The following BCHE variants were observed in gnomAD, a reference collection of about 807,000 sequenced individuals.
BCHE encodes the protein butyrylcholinesterase.
In BCHE, 48 loss-of-function variants were observed where a neutral mutation model predicts 51.3. That is an observed-to-expected ratio of 0.94 (90% CI 0.74 to 1.19). BCHE has a LOEUF of 1.19. BCHE is among the 50% of genes most tolerant of loss of function. The pLI, the probability that BCHE is intolerant of heterozygous loss-of-function variation, is 0.00. For missense variants in BCHE, 847 were observed against 708.2 expected (o/e 1.20, Z -2.23); for synonymous variants, 251 against 238.0 (o/e 1.05, Z -0.50).
At chr3:165,821,829 G>C (rs1196529020) in intron 2 of BCHE, among the ~76,000 whole-genome samples, 1 of 151,684 alleles carries the variant, frequency 6.6e-6, no homozygotes, top group Non-Finnish European at 1.5e-5. Context: ...ACAGCATTTG[G>C]CTTAGCATGT....
chr3:165,826,104 AT>A (rs1714711514), intron 2 of BCHE, among the ~76,000 whole-genome samples: 1 of 152,140 alleles, frequency 6.6e-6, no homozygotes. Context: ...TTTAAAAAAA[AT>A]AAGCATGTGC....
chr3:165,834,689 A>T (rs572396173), intron 1 of BCHE, among the ~76,000 whole-genome samples: 2 of 151,986 alleles, frequency 1.3e-5, no homozygotes, highest in Non-Finnish European at 2.9e-5. Context: ...CAATCGAAAG[A>T]GAAATAAATG....
At chr3:165,775,576 G>C (rs555628531) in intron 3 of BCHE, among the ~76,000 whole-genome samples, 3 of 151,206 alleles carry the variant, frequency 2.0e-5, no homozygotes, top group African/African-American at 7.3e-5. Flanking sequence ...TTAAAATTTA[G>C]ACCATGAATT....
At position 165,802,342 on chromosome 3, in the gene BCHE, G is replaced by T. The variant is rs937301928; in HGVS notation, c.1518-16031C>A. Among the ~76,000 whole-genome samples, 7 of 152,112 alleles carry T rather than the reference G, an allele frequency of 4.6e-5. 1 individual carries two copies. The highest frequency in any genetic ancestry group is 1.7e-4 in the African/African-American group (7 of 41,422). On this transcript the variant is annotated intron_variant, in intron 2 of 3. Coordinates refer to ENST00000264381, the MANE Select transcript of BCHE (RefSeq NM_000055.4). ...GATAAGAAATTTAGATTTTATTCAA[G>T]ATAAAATTAAAAAATCACTGAAGAG...
At chr3:165,834,196 G>A (rs1265973866) in intron 1 of BCHE, among the ~76,000 whole-genome samples, 1 of 120,138 alleles carries the variant, frequency 8.3e-6, no homozygotes, top group Non-Finnish European at 1.8e-5. Context: ...CTAAATGGTT[G>A]TAATATCTTC....
chr3:165,781,643 G>A lies in BCHE; in HGVS notation c.1684+4502C>T, dbSNP rs1225793996. On this transcript the variant is annotated intron_variant, in intron 3 of 3. Transcript: ENST00000264381. Reference sequence around the variant, plus strand: ...ATTAGGACATATAGCTAGTGCATGCGGGGCTTAAAACCTAGATGACGTGTT... The same window carrying A: ...ATTAGGACATATAGCTAGTGCATGCAGGGCTTAAAACCTAGATGACGTGTT... 3.9e-5 allele frequency among the ~76,000 whole-genome samples: 6 copies of A among 152,162 alleles called. No homozygotes were observed. The South Asian group carries it at 8.3e-4, about 21-fold the overall frequency.
intron 3 of BCHE, among the ~76,000 whole-genome samples, chr3:165,780,267 G>T (rs1712642564): frequency 6.6e-6 from 1 of 152,108 alleles, no homozygotes; most frequent in Non-Finnish European, 1.5e-5. Context: ...ACTCAAGATG[G>T]ATTAAAGACT....
chr3:165,813,882 G>A (rs567963325), intron 2 of BCHE, among the ~76,000 whole-genome samples: 1 of 151,970 alleles, frequency 6.6e-6, no homozygotes, highest in South Asian at 2.1e-4. Context: ...TTAAGGTAGA[G>A]ATTTAAAAAA....
At chr3:165,804,654 G>T (rs2108216778) in intron 2 of BCHE, among the ~76,000 whole-genome samples, 1 of 152,262 alleles carries the variant, frequency 6.6e-6, no homozygotes, top group African/African-American at 2.4e-5. Flanking sequence ...TGTGTAAAAA[G>T]CAAGTTTGTA....
chr3:165,782,207 A>T (rs758195984), intron 3 of BCHE, among the ~76,000 whole-genome samples: 47 of 152,128 alleles, frequency 3.1e-4, no homozygotes, highest in Non-Finnish European at 6.2e-4. Flanking sequence ...CAATAATAAT[A>T]TCCTTTTTAA....
intron 1 of BCHE, among the ~76,000 whole-genome samples, chr3:165,835,755 T>C (rs954733127): frequency 3.3e-5 from 5 of 152,056 alleles, no homozygotes; most frequent in Admixed American, 2.0e-4. Flanking sequence ...CTTAAGATGT[T>C]TTATCTGTCC....
chr3:165,792,351 G>C (rs1467382232), intron 2 of BCHE, among the ~76,000 whole-genome samples: 1 of 152,032 alleles, frequency 6.6e-6, no homozygotes, highest in Non-Finnish European at 1.5e-5. Flanking sequence ...ACCCGGAAAA[G>C]AGTTAACCGA....
intron 2 of BCHE, among the ~76,000 whole-genome samples, chr3:165,825,445 T>C (rs1356669260): frequency 3.3e-5 from 5 of 151,902 alleles, no homozygotes; most frequent in Non-Finnish European, 7.4e-5. Context: ...ATTTATTTGA[T>C]AAGATGGAAA....
chr3:165,776,649 G>T (rs1712482368), intron 3 of BCHE, among the ~76,000 whole-genome samples: 1 of 151,752 alleles, frequency 6.6e-6, no homozygotes, highest in Admixed American at 6.6e-5. Context: ...CTAACTTGTA[G>T]AAAGAGTTTT....
At chr3:165,782,002 T>C (rs955338490) in intron 3 of BCHE, among the ~76,000 whole-genome samples, 1 of 151,960 alleles carries the variant, frequency 6.6e-6, no homozygotes, top group African/African-American at 2.4e-5. Context: ...CTTGGAAAAA[T>C]GATAGTACTT....
chr3:165,777,556 C>T (rs957697717), intron 3 of BCHE, among the ~76,000 whole-genome samples: 39 of 152,190 alleles, frequency 2.6e-4, no homozygotes, highest in African/African-American at 9.4e-4. Flanking sequence ...TTATAACGTA[C>T]ACATATGTAT....
chr3:165,825,670 T>A (rs1714692948), intron 2 of BCHE, among the ~76,000 whole-genome samples: 1 of 151,978 alleles, frequency 6.6e-6, no homozygotes, highest in Non-Finnish European at 1.5e-5. Flanking sequence ...TCATTTAACA[T>A]CAGGTATATC....
intron 3 of BCHE, among the ~76,000 whole-genome samples, chr3:165,779,165 A>G (rs562511525): frequency 6.6e-6 from 1 of 152,308 alleles, no homozygotes; most frequent in East Asian, 1.9e-4. Context: ...TCCACTCTGT[A>G]GGAAAAGAAA....
rs188383493 is a variant in BCHE, at chr3:165,831,890, A to T, written c.-8-849T>A. Among the ~76,000 whole-genome samples the T allele has an allele frequency of 5.5e-3, 837 of 152,316 alleles. 6 individuals are homozygous for T. Among genetic ancestry groups the T allele is most frequent in the African/African-American group, 0.019 (799 of 41,582 alleles). Reference sequence around the variant, plus strand: ...GGGAGAAGATTGTGGCTTAAGAGGAATTTTATACTCAGTATTACTCAATAT... The same window carrying T: ...GGGAGAAGATTGTGGCTTAAGAGGATTTTTATACTCAGTATTACTCAATAT... On this transcript the variant is annotated intron_variant, in intron 1 of 3. Coordinates refer to ENST00000264381, the MANE Select transcript of BCHE (RefSeq NM_000055.4).
Sources: gnomAD v4.1 joint callset for allele counts (sites outside exome capture counted in the v4.1 genomes callset) on GRCh38, gnomAD v4.1.1 for gene constraint, MANE v1.5 for transcripts, NCBI Gene and HGNC (gene_info 2026-07-23, HGNC 2026-07-21) for gene names.